Variants in LOXL2 observed in about 807,000 individuals in gnomAD.
The protein encoded by LOXL2 is lysyl oxidase like 2, also known as lysyl oxidase homolog 2.
In LOXL2, 70 loss-of-function variants were observed where a neutral mutation model predicts 93.0. That is an observed-to-expected ratio of 0.75 (90% CI 0.62 to 0.92). The LOEUF (loss-of-function observed/expected upper bound fraction) is 0.92, where lower values mean the gene tolerates loss of function less well. LOXL2 is among the 40% of genes least tolerant of loss of function. The probability of loss-of-function intolerance (pLI) is 0.00; values close to 1 mark genes in which losing one functional copy is unlikely to be tolerated. For synonymous variants in LOXL2, 438 were observed against 413.2 expected, an observed-to-expected ratio of 1.06 and a Z score of -0.73; for missense variants, 973 against 1,054.9, an observed-to-expected ratio of 0.92 and a Z score of 1.08.
intron 9 of LOXL2, among the ~76,000 whole-genome samples, chr8:23,311,095 G>C (rs1422234698): frequency 6.6e-6 from 1 of 152,190 alleles, no homozygotes; most frequent in Non-Finnish European, 1.5e-5. Flanking sequence ...AGCAAGCAGA[G>C]TCTGTGAGTT....
At chr8:23,376,925 G>A (rs1347604858) in intron 1 of LOXL2, among the ~76,000 whole-genome samples, 3 of 151,946 alleles carry the variant, frequency 2.0e-5, no homozygotes, top group Admixed American at 1.3e-4. Context: ...AGGGTTTTTT[G>A]TGTCTCTATC....
chr8:23,330,273 G>A (rs1157146334), intron 5 of LOXL2, among the ~76,000 whole-genome samples: 1 of 152,220 alleles, frequency 6.6e-6, no homozygotes, highest in Non-Finnish European at 1.5e-5. Context: ...GGCGGAGCTT[G>A]CAGTGAGCCG....
intron 1 of LOXL2, among the ~76,000 whole-genome samples, chr8:23,378,383 C>A (rs1210427948): frequency 4.6e-5 from 7 of 152,130 alleles, no homozygotes; most frequent in Non-Finnish European, 1.0e-4. Context: ...TTTTTTCCTT[C>A]ATTTCAACTT....
At chr8:23,346,151 T>TAA (rs1167050288) in intron 3 of LOXL2, among the ~76,000 whole-genome samples, 2 of 103,722 alleles carry the variant, frequency 1.9e-5, no homozygotes, top group South Asian at 5.2e-4. Flanking sequence ...ATAAATAAAA[T>TAA]AAAATAAAAA....
At chr8:23,357,305 G>A (rs1347380433) in intron 3 of LOXL2, among the ~76,000 whole-genome samples, 2 of 152,102 alleles carry the variant, frequency 1.3e-5, no homozygotes, top group African/African-American at 4.8e-5. Flanking sequence ...CCTGACCTCA[G>A]GTGATCCACC....
At chr8:23,371,688 G>C (rs954473220) in intron 1 of LOXL2, among the ~76,000 whole-genome samples, 1 of 148,538 alleles carries the variant, frequency 6.7e-6, no homozygotes, top group Non-Finnish European at 1.5e-5. Context: ...GGAGGTGGAG[G>C]TTGCAGTGAG....
intron 9 of LOXL2, among the ~76,000 whole-genome samples, chr8:23,316,200 G>A (rs1198724750): frequency 2.0e-5 from 3 of 152,198 alleles, no homozygotes; most frequent in Non-Finnish European, 4.4e-5. Flanking sequence ...CATATTAATT[G>A]TCACACTTGA....
At chr8:23,325,683 C>T (rs1328952304) in intron 6 of LOXL2, among the ~76,000 whole-genome samples, 1 of 152,222 alleles carries the variant, frequency 6.6e-6, no homozygotes, top group African/African-American at 2.4e-5. Context: ...TCATTCATTC[C>T]TTACAACTGA....
chr8:23,386,618 G>T (rs1240696125), intron 1 of LOXL2, among the ~76,000 whole-genome samples: 1 of 152,248 alleles, frequency 6.6e-6, no homozygotes, highest in South Asian at 2.1e-4. Flanking sequence ...CCACAGTGGG[G>T]AGAGTTTTTA....
At chr8:23,358,848 T>TC (rs2117203182) in intron 3 of LOXL2, among the ~76,000 whole-genome samples, 1 of 150,850 alleles carries the variant, frequency 6.6e-6, no homozygotes, top group Non-Finnish European at 1.5e-5. Context: ...TACCTGCATT[T>TC]TTTTTTTTTT....
chr8:23,383,147 C>T (rs1459179665), intron 1 of LOXL2, among the ~76,000 whole-genome samples: 1 of 152,134 alleles, frequency 6.6e-6, no homozygotes, highest in Non-Finnish European at 1.5e-5. Flanking sequence ...CGTGTGGGCC[C>T]TCTTGCCTCT....
chr8:23,367,582 AG>A (rs1239867275), intron 2 of LOXL2, among the ~76,000 whole-genome samples: 3 of 151,848 alleles, frequency 2.0e-5, no homozygotes, highest in Admixed American at 6.6e-5. Context: ...CTTTCCTAAC[AG>A]GGAACGATTT....
intron 1 of LOXL2, among the ~76,000 whole-genome samples, chr8:23,403,257 G>T (rs1432929693): frequency 6.6e-6 from 1 of 152,188 alleles, no homozygotes; most frequent in Non-Finnish European, 1.5e-5. Context: ...CCAACTCCAG[G>T]GCTTCTAGGT....
At chr8:23,318,460 CAA>C (rs1554476792) in intron 8 of LOXL2, among the ~76,000 whole-genome samples, 1,567 of 109,052 alleles carry the variant, frequency 0.014, 32 homozygotes, top group African/African-American at 0.063. Flanking sequence ...CACACACACA[CAA>C]AAATACACAT....
At chr8:23,310,031 A>C in intron 9 of LOXL2, 120 bp from the exon 10 acceptor site, 34 of 1,134,232 alleles carry the variant, frequency 3.0e-5, no homozygotes, top group Non-Finnish European at 3.6e-5. Flanking sequence ...GGAATGACTC[A>C]AGGGCTCCTC....
At chr8:23,369,498 G>A (rs1804464902) in intron 1 of LOXL2, among the ~76,000 whole-genome samples, 1 of 152,118 alleles carries the variant, frequency 6.6e-6, no homozygotes, top group South Asian at 2.1e-4. Flanking sequence ...TATTCTTCTG[G>A]TCATGGCACA....
chr8:23,357,524 A>G (rs1360312435), intron 3 of LOXL2, among the ~76,000 whole-genome samples: 1 of 152,166 alleles, frequency 6.6e-6, no homozygotes, highest in African/African-American at 2.4e-5. Flanking sequence ...GGGTAATCTA[A>G]TCTAATCTAA....
At chr8:23,366,754 G>T (rs373094906) in intron 2 of LOXL2, among the ~76,000 whole-genome samples, 2 of 152,324 alleles carry the variant, frequency 1.3e-5, no homozygotes, top group South Asian at 4.1e-4. Context: ...GGGCGGGAGG[G>T]TGTGGGAGCT....
rs199999726 is a variant in LOXL2 at position 23,396,323 on chromosome 8, C to A, written c.-84+7631G>T. Among the ~76,000 whole-genome samples, 741 of 79,166 alleles carry A rather than the reference C, an allele frequency of 9.4e-3. 43 individuals are homozygous for A. In the East Asian group the frequency reaches 0.22, roughly 23 times the overall value. 51.9% of individuals were successfully genotyped at this position (79,166 alleles called of 152,430 possible). On this transcript the variant is annotated intron_variant, in intron 1 of 13. Transcript: ENST00000389131. Reference sequence around the variant, plus strand: ...CAAGAGCAAAACTCAGTCTCAAAAACAAACAAACAAACAAACAAACAAACA... The same window carrying A: ...CAAGAGCAAAACTCAGTCTCAAAAAAAAACAAACAAACAAACAAACAAACA...
Sources: gnomAD v4.1 joint callset for allele counts (sites outside exome capture counted in the v4.1 genomes callset) on GRCh38, gnomAD v4.1.1 for gene constraint, MANE v1.5 for transcripts, NCBI Gene and HGNC (gene_info 2026-07-23, HGNC 2026-07-21) for gene names.